The following COX10 variants were observed in gnomAD, a reference collection of about 807,000 sequenced individuals.
COX10 encodes the protein cytochrome c oxidase assembly factor heme A:farnesyltransferase COX10.
In COX10, 27 loss-of-function variants were observed where a neutral mutation model predicts 37.3. The ratio of observed to expected loss-of-function variants is 0.72; its 90% CI spans 0.53 to 1.00. The LOEUF (loss-of-function observed/expected upper bound fraction) is 1.00, where lower values mean the gene tolerates loss of function less well. Among genes scored for constraint, COX10 ranks in the 50% least tolerant of loss-of-function variants. The pLI is 0.00. For synonymous variants in COX10, 222 were observed against 229.1 expected (o/e 0.97, Z 0.28); for missense variants, 475 against 563.2 (o/e 0.84, Z 1.59).
chr17:14,144,433 A>G (rs1246345020), intron 4 of COX10, among the ~76,000 whole-genome samples: 1 of 152,164 alleles, frequency 6.6e-6, no homozygotes, highest in African/African-American at 2.4e-5. Flanking sequence ...TTTATTAACT[A>G]TGAAAGTCTT....
intron 5 of COX10, among the ~76,000 whole-genome samples, chr17:14,173,077 A>T (rs1482878577): frequency 1.3e-5 from 2 of 152,178 alleles, no homozygotes; most frequent in African/African-American, 4.8e-5. Flanking sequence ...AGTTGTTTGA[A>T]TTCCTTGTAC....
At position 14,102,371 on chromosome 17, in the gene COX10, T is replaced by C. The variant is rs1597501529; in HGVS notation, c.624+129T>C. ...AGCATTTGTAACACTATATATCCTA[T>C]AGGAGCCTGTGGGTTTCATAACCAA... On this transcript the variant is annotated intron_variant, in intron 4 of 6. Coordinates refer to ENST00000261643, the MANE Select transcript of COX10 (RefSeq NM_001303.4). 11 of 1,374,062 alleles carry C rather than the reference T, an allele frequency of 8.0e-6. No homozygotes were observed. The East Asian group carries it at 1.9e-4, about 23-fold the overall frequency. The allele number at this position is 1,374,062 out of a possible 1,614,324, so 85.1% of individuals were successfully genotyped here.
chr17:14,079,890 A>C (rs1247962212), intron 3 of COX10, among the ~76,000 whole-genome samples: 1 of 151,754 alleles, frequency 6.6e-6, no homozygotes, highest in Non-Finnish European at 1.5e-5. Context: ...ACACACACAC[A>C]CAGTTTTGCA....
chr17:14,166,785 C>CTTTTTTT (rs57127092), intron 5 of COX10, among the ~76,000 whole-genome samples: 97 of 100,246 alleles, frequency 9.7e-4, no homozygotes, highest in East Asian at 2.6e-3. Context: ...CTATTTCTTT[C>CTTTTTTT]TTTTTTTTTT....
intron 4 of COX10, among the ~76,000 whole-genome samples, chr17:14,125,496 C>T (rs1244588554): frequency 6.6e-6 from 1 of 152,116 alleles, no homozygotes; most frequent in East Asian, 1.9e-4. Context: ...AAAACATATT[C>T]AGAGCCAGAC....
At chr17:14,156,380 C>T (rs1411501205) in intron 4 of COX10, among the ~76,000 whole-genome samples, 2 of 152,142 alleles carry the variant, frequency 1.3e-5, no homozygotes, top group African/African-American at 4.8e-5. Context: ...CAGGCACCCG[C>T]CACCGCGCCC....
intron 4 of COX10, among the ~76,000 whole-genome samples, chr17:14,125,049 T>C (rs1324423999): frequency 6.6e-6 from 1 of 152,232 alleles, no homozygotes; most frequent in African/African-American, 2.4e-5. Context: ...AGATGCTGGT[T>C]GGGTTCCTCC....
intron 1 of COX10, among the ~76,000 whole-genome samples, chr17:14,073,861 G>A (rs540698795): frequency 1.1e-4 from 17 of 152,206 alleles, no homozygotes; most frequent in African/African-American, 2.9e-4. Flanking sequence ...GACTGATAGA[G>A]TCATACTCTA....
intron 3 of COX10, among the ~76,000 whole-genome samples, chr17:14,098,013 C>T (rs1388521521): frequency 6.6e-6 from 1 of 152,114 alleles, no homozygotes. Context: ...TAACTATTTT[C>T]TTTCCACATA....
intron 5 of COX10, among the ~76,000 whole-genome samples, chr17:14,164,749 A>C (rs1905240984): frequency 6.6e-6 from 1 of 152,202 alleles, no homozygotes; most frequent in African/African-American, 2.4e-5. Context: ...GAGGAAGAAG[A>C]AGCCCTTCGC....
chr17:14,118,566 T>A (rs1916163465), intron 4 of COX10, among the ~76,000 whole-genome samples: 1 of 152,196 alleles, frequency 6.6e-6, no homozygotes. Context: ...TAAGACCATT[T>A]ACTAACACTT....
intron 4 of COX10, among the ~76,000 whole-genome samples, chr17:14,155,433 A>T (rs1346139669): frequency 2.6e-5 from 4 of 151,786 alleles, no homozygotes; most frequent in Non-Finnish European, 4.4e-5. Context: ...TAGGAGAGTG[A>T]GGCCGGGCAC....
rs1446331612 is a variant in COX10 at position 14,208,512 on chromosome 17, T to C, written c.*1299T>C. On this transcript the variant is annotated 3_prime_UTR_variant, in exon 7 of 7. Transcript: ENST00000261643. ...TTGTAGGTAGATAACATCCAATCAC[T>C]GTTTGCACTTATCTGAAATCTTCCC... The C allele has an allele frequency of 1.3e-5, 2 of 152,250 alleles. No homozygotes were observed. Among genetic ancestry groups the C allele is most frequent in the Non-Finnish European group, 2.9e-5 (2 of 68,048 alleles). The allele number at this position is 152,250 out of a possible 1,614,324, so 9.4% of individuals were successfully genotyped here. A position where few individuals can be genotyped will look rare whatever the true frequency, so the allele number is the denominator to read the frequency against.
At chr17:14,077,105 T>G in intron 3 of COX10, 49 bp downstream of exon 3, 1 of 1,577,788 alleles carries the variant, frequency 6.3e-7, no homozygotes. Flanking sequence ...CTATCTTTAG[T>G]GAAACAAAAA....
At chr17:14,167,517 T>A (rs1275470226) in intron 5 of COX10, among the ~76,000 whole-genome samples, 1 of 152,210 alleles carries the variant, frequency 6.6e-6, no homozygotes, top group East Asian at 1.9e-4. Flanking sequence ...AGTTGGGCAG[T>A]GTATTAGTTC....
At chr17:14,191,240 CATT>C (rs1054500721) in intron 5 of COX10, among the ~76,000 whole-genome samples, 43 of 151,500 alleles carry the variant, frequency 2.8e-4, no homozygotes, top group African/African-American at 9.5e-4. Flanking sequence ...TTATAATAAT[CATT>C]ATCATTGTAG....
intron 5 of COX10, among the ~76,000 whole-genome samples, chr17:14,190,619 C>A (rs957260806): frequency 6.6e-6 from 1 of 152,028 alleles, no homozygotes; most frequent in Non-Finnish European, 1.5e-5. Flanking sequence ...CAGTGCTGGC[C>A]CCTATAGCAG....
chr17:14,161,268 C>G (rs1905165309), intron 5 of COX10, among the ~76,000 whole-genome samples: 1 of 152,128 alleles, frequency 6.6e-6, no homozygotes, highest in African/African-American at 2.4e-5. Context: ...AAGACACAGT[C>G]CCAAATATTG....
rs1356619490 is a variant in COX10, at chr17:14,206,928, C to T, written c.1047C>T (p.His349=). The T allele has an allele frequency of 6.2e-7, 1 of 1,613,784 alleles. No homozygotes were observed. The change falls in exon 7 of 7, where the codon CAC becomes CAT. Residue 349 remains histidine (H), a synonymous_variant. Transcript: ENST00000261643. ...GCTACTGCATGATGTCGGTCACCCA[C>T]CCGGGCCTGTGCCGGCGCGTGGCGC... The part of the protein sequence containing the change: ...RGGYCMMSVT[H]PGLCRRVALR...
Sources: allele counts gnomAD v4.1 joint callset (sites outside exome capture counted in the v4.1 genomes callset), GRCh38; gene constraint gnomAD v4.1.1; transcripts MANE v1.5; gene names NCBI Gene and HGNC (gene_info 2026-07-23, HGNC 2026-07-21).